The following FBXW10B variants were observed in gnomAD, a reference collection of about 807,000 sequenced individuals.
The protein encoded by FBXW10B is F-box and WD repeat domain containing 10B, also known as F-box and WD repeat domain containing protein 10B.
chr17:15,599,201 A>AT, the FBXW10B span, among the ~76,000 whole-genome samples: 4 of 143,664 alleles, frequency 2.8e-5, no homozygotes, highest in East Asian at 6.3e-4. Flanking sequence ...GAGTATTTAC[A>AT]TCATAGGGTT....
chr17:15,583,595 A>G, the FBXW10B span, among the ~76,000 whole-genome samples: 31,714 of 148,964 alleles, frequency 0.21, 3,358 homozygotes, highest in African/African-American at 0.24. Flanking sequence ...TTAAGCCCAC[A>G]GGAAGCTCCT....
the FBXW10B span, chr17:15,619,541 C>A: frequency 0.016 from 25,058 of 1,600,164 alleles, 158 homozygotes; most frequent in Non-Finnish European, 0.016. Flanking sequence ...TCATTTTAGC[C>A]CTGCGCACTT....
the FBXW10B span, among the ~76,000 whole-genome samples, chr17:15,609,869 T>C: frequency 7.0e-6 from 1 of 143,310 alleles, no homozygotes; most frequent in Non-Finnish European, 1.5e-5. Context: ...TTTTTTTTTT[T>C]TTTTTTGAGA....
the FBXW10B span, among the ~76,000 whole-genome samples, chr17:15,579,027 G>A: frequency 6.6e-6 from 1 of 151,800 alleles, no homozygotes; most frequent in Non-Finnish European, 1.5e-5. Flanking sequence ...TAATACCACA[G>A]TCTCTGCACC....
At chr17:15,613,943 G>C in the FBXW10B span, 3 of 1,594,578 alleles carry the variant, frequency 1.9e-6, no homozygotes, top group South Asian at 1.1e-5. Context: ...TAGATTGCAG[G>C]GATCGTACCC....
At chr17:15,604,213 T>C in the FBXW10B span, among the ~76,000 whole-genome samples, 68 of 152,116 alleles carry the variant, frequency 4.5e-4, no homozygotes, top group African/African-American at 1.6e-3. Context: ...ACCTGCATCA[T>C]ATAGGTGAAT....
At chr17:15,609,064 T>C in the FBXW10B span, among the ~76,000 whole-genome samples, 13 of 147,858 alleles carry the variant, frequency 8.8e-5, no homozygotes, top group African/African-American at 3.2e-4. Context: ...ATGACTGAAC[T>C]AGACTCTCAG....
chr17:15,578,769 A>G, the FBXW10B span, among the ~76,000 whole-genome samples: 1 of 152,164 alleles, frequency 6.6e-6, no homozygotes, highest in Non-Finnish European at 1.5e-5. Flanking sequence ...CTTTGTACAA[A>G]TTACCCTTAA....
At chr17:15,591,692 TTTTGTTTG>T in the FBXW10B span, among the ~76,000 whole-genome samples, 30,929 of 151,528 alleles carry the variant, frequency 0.2, 4,154 homozygotes, top group African/African-American at 0.39. Flanking sequence ...AATTCAGTGT[TTTTGTTTG>T]TTTGTTTGTT....
the FBXW10B span, among the ~76,000 whole-genome samples, chr17:15,586,525 A>G: frequency 6.6e-6 from 1 of 151,756 alleles, no homozygotes; most frequent in African/African-American, 2.4e-5. Context: ...TTTTGGTACA[A>G]AAAATTTTTG....
At chr17:15,576,464 T>C in the FBXW10B span, among the ~76,000 whole-genome samples, 1 of 152,164 alleles carries the variant, frequency 6.6e-6, no homozygotes, top group Non-Finnish European at 1.5e-5. Flanking sequence ...AATAGATCAG[T>C]ACAAACAAGA....
At chr17:15,591,190 C>A in the FBXW10B span, among the ~76,000 whole-genome samples, 1 of 152,210 alleles carries the variant, frequency 6.6e-6, no homozygotes, top group African/African-American at 2.4e-5. Flanking sequence ...AGAAAAAGAG[C>A]TTTTCAAAAG....
chr17:15,618,556 GAA>G, the FBXW10B span, among the ~76,000 whole-genome samples: 17 of 138,582 alleles, frequency 1.2e-4, no homozygotes, highest in East Asian at 6.3e-4. Context: ...TAGAGTGAAT[GAA>G]AAAAAAAAAA....
chr17:15,596,072 G>T, the FBXW10B span, among the ~76,000 whole-genome samples: 3 of 151,804 alleles, frequency 2.0e-5, no homozygotes, highest in African/African-American at 7.3e-5. Context: ...TTTTTTAGTA[G>T]AGACAGGGTT....
chr17:15,615,391 G>C, the FBXW10B span, among the ~76,000 whole-genome samples: 1 of 135,220 alleles, frequency 7.4e-6, no homozygotes, highest in Non-Finnish European at 1.5e-5. Flanking sequence ...GCATGATCTC[G>C]GCTCACTGCA....
the FBXW10B span, among the ~76,000 whole-genome samples, chr17:15,603,151 T>G: frequency 6.6e-6 from 1 of 151,586 alleles, no homozygotes; most frequent in Non-Finnish European, 1.5e-5. Flanking sequence ...CCCAAAGTGC[T>G]GGGCTTACAG....
At chr17:15,601,561 A>G in the FBXW10B span, among the ~76,000 whole-genome samples, 1 of 152,198 alleles carries the variant, frequency 6.6e-6, no homozygotes, top group Admixed American at 6.5e-5. Context: ...CTAATTTGAA[A>G]ATATAAGCAA....
chr17:15,603,931 A>T, the FBXW10B span, among the ~76,000 whole-genome samples: 1 of 133,344 alleles, frequency 7.5e-6, no homozygotes, highest in African/African-American at 3.0e-5. Context: ...AAAAAAAAAA[A>T]TAGCCTGGTG....
the FBXW10B span, chr17:15,595,054 A>G: frequency 5.4e-5 from 34 of 623,990 alleles, no homozygotes; most frequent in East Asian, 1.4e-4. Context: ...TAAGAAGGCC[A>G]ATGGAGGCCG....
Sources: gnomAD v4.1 joint callset for allele counts (sites outside exome capture counted in the v4.1 genomes callset) on GRCh38, gnomAD v4.1.1 for gene constraint, MANE v1.5 for transcripts, NCBI Gene and HGNC (gene_info 2026-07-23, HGNC 2026-07-21) for gene names.